The following ZBTB8B variants were observed in gnomAD, a reference collection of about 807,000 sequenced individuals.
ZBTB8B encodes zinc finger and BTB domain-containing protein 8B.
In ZBTB8B, 17 loss-of-function variants were observed where a neutral mutation model predicts 30.3. The observed-to-expected ratio is 0.56, with a 90% CI of 0.38 to 0.84. The LOEUF (loss-of-function observed/expected upper bound fraction) is 0.84, where lower values mean the gene tolerates loss of function less well. ZBTB8B is among the 40% of genes least tolerant of loss of function. The probability of loss-of-function intolerance (pLI) is 0.00; values close to 1 mark genes in which losing one functional copy is unlikely to be tolerated. For synonymous variants in ZBTB8B, 248 were observed against 255.6 expected (o/e 0.97, Z 0.28); for missense variants, 515 against 644.9 (o/e 0.80, Z 2.18).
At position 32,471,223 on chromosome 1, in the gene ZBTB8B, G is replaced by A; in HGVS notation, c.599G>A (p.Cys200Tyr). The A allele has an allele frequency of 6.4e-7, 1 of 1,551,942 alleles. No individual in the cohort carries two copies. Among genetic ancestry groups the A allele is most frequent in the Non-Finnish European group, 8.7e-7 (1 of 1,147,036 alleles). Residue 200 changes from cysteine to tyrosine, a missense_variant, in exon 2 of 4, where the codon TGC (cysteine) becomes TAC (tyrosine). By Grantham distance (194) the Cys-to-Tyr change is radical. Coordinates refer to ENST00000609129, the MANE Select transcript of ZBTB8B (RefSeq NM_001145720.2). ...RESPCGDCGD[C>Y]HPLELVVRDS... The stretch of plus-strand genomic sequence containing the variant: ...TCCCCTTGCGGTGACTGCGGAGACT[G>A]CCACCCCTTGGAACTGGTGGTGAGA...
At chr1:32,469,048 T>C (rs575961962) in intron 1 of ZBTB8B, among the ~76,000 whole-genome samples, 94 of 151,908 alleles carry the variant, frequency 6.2e-4, no homozygotes, top group African/African-American at 2.1e-3. Flanking sequence ...TTTTTTTTAA[T>C]TGGCCAGGCG....
Position 32,493,200 on chromosome 1 carries a change from T to C in ZBTB8B, c.*7782T>C, listed in dbSNP as rs1557685952. 1 of 152,180 alleles carries C rather than the reference T, an allele frequency of 6.6e-6. No homozygotes were observed. The highest frequency in any genetic ancestry group is 2.4e-5 in the African/African-American group (1 of 41,440). 9.4% of individuals were successfully genotyped at this position (152,180 alleles called of 1,614,324 possible). A position where few individuals can be genotyped will look rare whatever the true frequency, so the allele number is the denominator to read the frequency against. On this transcript the variant is annotated 3_prime_UTR_variant, in exon 4 of 4. Coordinates refer to ENST00000609129, the MANE Select transcript of ZBTB8B (RefSeq NM_001145720.2). Reference sequence around the variant, plus strand: ...ACTCTGTCGCCAGGCTGGAGTGCAGTGGCGCGATCTTGGCTCACTGCAACC... The same window carrying C: ...ACTCTGTCGCCAGGCTGGAGTGCAGCGGCGCGATCTTGGCTCACTGCAACC...
Position 32,489,121 on chromosome 1 carries a change from C to T in ZBTB8B, c.*3703C>T, listed in dbSNP as rs113675868. ...TGACCTTCATAATATTTAGTAGCCC[C>T]TTATACTCTCGCAAATTTTAGAAAA... On this transcript the variant is annotated 3_prime_UTR_variant, in exon 4 of 4. Coordinates refer to ENST00000609129, the MANE Select transcript of ZBTB8B (RefSeq NM_001145720.2). 9 of 152,230 alleles carry T rather than the reference C, an allele frequency of 5.9e-5. 1 individual carries two copies. The highest frequency in any genetic ancestry group is 2.2e-4 in the African/African-American group (9 of 41,524). 9.4% of individuals were successfully genotyped at this position (152,230 alleles called of 1,614,324 possible).
In ZBTB8B at chr1:32,486,605, G is replaced by A. The variant is rs1367069295; in HGVS notation, c.*1187G>A. ...GCCGCTGGGTGGTTGCCATGATAAG[G>A]GGCAGTGACTTCCAGGTGTTGCCAT... On this transcript the variant is annotated 3_prime_UTR_variant, in exon 4 of 4. Coordinates refer to ENST00000609129, the MANE Select transcript of ZBTB8B (RefSeq NM_001145720.2). 6.6e-6 allele frequency: 1 copy of A among 152,154 alleles called. No homozygotes were observed. Among genetic ancestry groups the A allele is most frequent in the African/African-American group, 2.4e-5 (1 of 41,418 alleles). The allele number at this position is 152,154 out of a possible 1,614,324, so 9.4% of individuals were successfully genotyped here.
chr1:32,472,195 G>T (rs1643630034), intron 2 of ZBTB8B, among the ~76,000 whole-genome samples: 2 of 152,206 alleles, frequency 1.3e-5, no homozygotes, highest in Non-Finnish European at 2.9e-5. Flanking sequence ...ATTTCTTCAT[G>T]TATGTTTGTG....
intron 2 of ZBTB8B, among the ~76,000 whole-genome samples, chr1:32,474,743 C>CT (rs1643650170): frequency 6.6e-6 from 1 of 152,132 alleles, no homozygotes; most frequent in Non-Finnish European, 1.5e-5. Flanking sequence ...TGTCCCATGC[C>CT]TTTGGCAGAG....
chr1:32,478,827 C>T lies in ZBTB8B; in HGVS notation c.992-2064C>T, dbSNP rs114641867. Among the ~76,000 whole-genome samples the T allele has an allele frequency of 1.5e-3, 221 of 149,338 alleles. 1 individual carries two copies. Among genetic ancestry groups the T allele is most frequent in the African/African-American group, 4.5e-3 (185 of 41,322 alleles). On this transcript the variant is annotated intron_variant, in intron 2 of 3. Coordinates refer to ENST00000609129, the MANE Select transcript of ZBTB8B (RefSeq NM_001145720.2). ...CCAGTTAGGTATCCCAAGCCAGCCC[C>T]AGAGAAAAGAGTTACTCCAGTGTTG...
chr1:32,495,763 T>C lies in ZBTB8B; in HGVS notation c.*10345T>C, dbSNP rs1366630096. 2 of 152,146 alleles carry C rather than the reference T, an allele frequency of 1.3e-5. No individual in the cohort carries two copies. The highest frequency in any genetic ancestry group is 4.8e-5 in the African/African-American group (2 of 41,416). The allele number at this position is 152,146 out of a possible 1,614,324, so 9.4% of individuals were successfully genotyped here. A position where few individuals can be genotyped will look rare whatever the true frequency, so the allele number is the denominator to read the frequency against. ...TGGGTGTGGTAGTGTACACCTGTAG[T>C]CCCAGCTACTCCAAAGGCTGAGGCA... On this transcript the variant is annotated 3_prime_UTR_variant, in exon 4 of 4. Coordinates refer to ENST00000609129, the MANE Select transcript of ZBTB8B (RefSeq NM_001145720.2).
At chr1:32,476,171 T>C (rs1196612292) in intron 2 of ZBTB8B, among the ~76,000 whole-genome samples, 1 of 152,066 alleles carries the variant, frequency 6.6e-6, no homozygotes, top group African/African-American at 2.4e-5. Flanking sequence ...GGTCTCACGC[T>C]GTCACCCAGG....
Position 32,488,384 on chromosome 1 carries a change from G to T in ZBTB8B, c.*2966G>T, listed in dbSNP as rs1430690493. ...TTTAAATTATCTCTGATGTTTTAAT[G>T]ACTTTTCTACCTCATAGTTCAGCCT... On this transcript the variant is annotated 3_prime_UTR_variant, in exon 4 of 4. Coordinates refer to ENST00000609129, the MANE Select transcript of ZBTB8B (RefSeq NM_001145720.2). 2 of 152,240 alleles carry T rather than the reference G, an allele frequency of 1.3e-5. No homozygotes were observed. Among genetic ancestry groups the T allele is most frequent in the Non-Finnish European group, 2.9e-5 (2 of 68,048 alleles). The allele number at this position is 152,240 out of a possible 1,614,324, so 9.4% of individuals were successfully genotyped here. A position where few individuals can be genotyped will look rare whatever the true frequency, so the allele number is the denominator to read the frequency against.
chr1:32,496,320 G>A lies in ZBTB8B; in HGVS notation c.*10902G>A, dbSNP rs1030305623. On this transcript the variant is annotated 3_prime_UTR_variant, in exon 4 of 4. Coordinates refer to ENST00000609129, the MANE Select transcript of ZBTB8B (RefSeq NM_001145720.2). ...ATCACAGGAAGTGCAGCCATTCTAC[G>A]TGCCGAGCTCTACAGTTACACACTG... The A allele has an allele frequency of 3.3e-5, 5 of 152,112 alleles. No homozygotes were observed. Among genetic ancestry groups the A allele is most frequent in the Admixed American group, 6.5e-5 (1 of 15,270 alleles). 9.4% of individuals were successfully genotyped at this position (152,112 alleles called of 1,614,324 possible).
At chr1:32,473,360 A>C (rs925498747) in intron 2 of ZBTB8B, among the ~76,000 whole-genome samples, 1 of 152,086 alleles carries the variant, frequency 6.6e-6, no homozygotes, top group Non-Finnish European at 1.5e-5. Flanking sequence ...CCAGAACCTC[A>C]AGCCAAGAAA....
rs947331466 is a variant in ZBTB8B, at chr1:32,491,326, G to A, written c.*5908G>A. 1 of 152,162 alleles carries A rather than the reference G, an allele frequency of 6.6e-6. No homozygotes were observed. Among genetic ancestry groups the A allele is most frequent in the African/African-American group, 2.4e-5 (1 of 41,444 alleles). 9.4% of individuals were successfully genotyped at this position (152,162 alleles called of 1,614,324 possible). On this transcript the variant is annotated 3_prime_UTR_variant, in exon 4 of 4. Coordinates refer to ENST00000609129, the MANE Select transcript of ZBTB8B (RefSeq NM_001145720.2). ...ATCTTTTACCATCCATAGCCCCTGA[G>A]GAGCATCTACTGCCATCAGAAAAAC...
intron 1 of ZBTB8B, 45 bp from the exon 2 acceptor site, chr1:32,470,525 AAGAAATCTTGTTTG>A: frequency 1.8e-6 from 2 of 1,132,194 alleles, no homozygotes; most frequent in Non-Finnish European, 2.4e-6. Context: ...AAAAAAAAAA[AAGAAATCTTGTTTG>A]TAAAGGTTGG....
In ZBTB8B at chr1:32,487,920, G is replaced by A. The variant is rs1643756695; in HGVS notation, c.*2502G>A. The A allele has an allele frequency of 6.6e-6, 1 of 151,882 alleles. No homozygotes were observed. The highest frequency in any genetic ancestry group is 2.4e-5 in the African/African-American group (1 of 41,348). The allele number at this position is 151,882 out of a possible 1,614,324, so 9.4% of individuals were successfully genotyped here. A position where few individuals can be genotyped will look rare whatever the true frequency, so the allele number is the denominator to read the frequency against. ...TCATTGAAAATTATCAGGGACCAGAGATATTTGTCTTATCTGAAATAAAAA... is the reference window on the plus strand; with the variant it reads ...TCATTGAAAATTATCAGGGACCAGAAATATTTGTCTTATCTGAAATAAAAA... On this transcript the variant is annotated 3_prime_UTR_variant, in exon 4 of 4. Coordinates refer to ENST00000609129, the MANE Select transcript of ZBTB8B (RefSeq NM_001145720.2).
chr1:32,480,794 T>C (rs938894943), intron 2 of ZBTB8B, 97 bp from the exon 3 acceptor site: 1 of 1,193,024 alleles, frequency 8.4e-7, no homozygotes, highest in East Asian at 2.6e-5. Flanking sequence ...CTATCTGGGC[T>C]GGTGGAATTC....
At chr1:32,470,459 C>A in intron 1 of ZBTB8B, 125 bp from the exon 2 acceptor site, 1 of 924,238 alleles carries the variant, frequency 1.1e-6, no homozygotes, top group South Asian at 2.0e-5. Context: ...GAGATTGCGC[C>A]ACTTCACTCC....
chr1:32,480,898 GC>G lies in ZBTB8B; in HGVS notation c.1000del (p.Leu334TrpfsTer56). 6.4e-7 allele frequency: 1 copy of G among 1,551,364 alleles called. No homozygotes were observed. Among genetic ancestry groups the G allele is most frequent in the Non-Finnish European group, 8.7e-7 (1 of 1,146,742 alleles). ...AAGCATTTGGTTCCCCAGGTGATGTGCTGGTGGTCCCCATCAAGCTCCACAA... is the reference window on the plus strand; with the variant it reads ...AAGCATTTGGTTCCCCAGGTGATGTGTGGTGGTCCCCATCAAGCTCCACAA... The part of the protein sequence containing the change: ...DWYGEDSGDV[L>X]VVPIKLHKCP... On this transcript the variant is annotated frameshift_variant, in exon 3 of 4. Transcript: ENST00000609129. LOFTEE classifies it high-confidence loss of function.
At position 32,485,322 on chromosome 1, in the gene ZBTB8B, T is replaced by C; in HGVS notation, c.1392T>C (p.Tyr464=). Residue 464 remains tyrosine (Y), a synonymous_variant, in exon 4 of 4, where the codon TAT becomes TAC. Transcript: ENST00000609129. ...KSDTDNDWPI[Y]VESGEENDPA... ...ACACAGACAATGACTGGCCAATCTA[T>C]GTGGAGTCGGGTGAGGAAAATGACC... 2 of 1,552,246 alleles carry C rather than the reference T, an allele frequency of 1.3e-6. No homozygotes were observed. The highest frequency in any genetic ancestry group is 1.2e-5 in the South Asian group (1 of 84,050).
Sources: allele counts gnomAD v4.1 joint callset (sites outside exome capture counted in the v4.1 genomes callset), GRCh38; gene constraint gnomAD v4.1.1; transcripts MANE v1.5; gene names NCBI Gene and HGNC (gene_info 2026-07-23, HGNC 2026-07-21).